The following DNAH6 variants were observed in gnomAD, a reference collection of about 807,000 sequenced individuals.
DNAH6 encodes dynein axonemal heavy chain 6, also known as axonemal beta dynein heavy chain 6.
Under a neutral mutation model 491.4 loss-of-function variants are expected in DNAH6, and 340 were observed. That is an observed-to-expected ratio of 0.69 (90% CI 0.63 to 0.76). The LOEUF (loss-of-function observed/expected upper bound fraction) is 0.76, where lower values mean the gene tolerates loss of function less well. Ranked by LOEUF, DNAH6 falls within the 30% of genes least tolerant of loss-of-function variation. The pLI is 0.00. For missense variants in DNAH6, 4,443 were observed against 4,972.2 expected, an observed-to-expected ratio of 0.89 and a Z score of 3.20; for synonymous variants, 1,603 against 1,686.1, an observed-to-expected ratio of 0.95 and a Z score of 1.21.
At chr2:84,478,639 T>C in the DNAH6 span, among the ~76,000 whole-genome samples, 1 of 152,120 alleles carries the variant, frequency 6.6e-6, no homozygotes, top group East Asian at 1.9e-4. Flanking sequence ...CAAAGTTGAA[T>C]ACCCTGTGTG....
At chr2:84,601,889 G>A (rs2365445) in intron 18 of DNAH6, among the ~76,000 whole-genome samples, 124,602 of 151,754 alleles carry the variant, frequency 0.82, 53,261 homozygotes, top group East Asian at 0.99. Context: ...ATTTTTAGAA[G>A]CAATTTTTTA....
intron 63 of DNAH6, among the ~76,000 whole-genome samples, chr2:84,756,674 A>C (rs1334517696): frequency 6.6e-6 from 1 of 152,206 alleles, no homozygotes; most frequent in Non-Finnish European, 1.5e-5. Context: ...ACACAGAACC[A>C]TGCCCTTTCT....
At chr2:84,535,140 A>C (rs1677563752) in intron 4 of DNAH6, among the ~76,000 whole-genome samples, 1 of 151,996 alleles carries the variant, frequency 6.6e-6, no homozygotes, top group South Asian at 2.1e-4. Context: ...GTTTTTAAAA[A>C]ATTTTAAATC....
chr2:84,640,399 A>C (rs779905789), intron 31 of DNAH6, 31 bp from the exon 32 acceptor site: 7 of 1,316,272 alleles, frequency 5.3e-6, no homozygotes, highest in Non-Finnish European at 7.5e-6. Context: ...AATACAATAT[A>C]ATAAGCATTG....
chr2:84,688,610 C>A lies in DNAH6; in HGVS notation c.7292+17C>A. 1.3e-6 allele frequency: 2 copies of A among 1,505,236 alleles called. No homozygotes were observed. Among genetic ancestry groups the A allele is most frequent in the Middle Eastern group, 1.7e-4 (1 of 5,860 alleles). 93.2% of individuals were successfully genotyped at this position (1,505,236 alleles called of 1,614,324 possible). A position where few individuals can be genotyped will look rare whatever the true frequency, so the allele number is the denominator to read the frequency against. ...TGTTTCAAGGTATAGTGCTATAAGG[C>A]GCCCAATAATGCATTGATTTAATAT... On this transcript the variant is annotated intron_variant, in intron 45 of 76. Transcript: ENST00000389394.
chr2:84,670,930 C>G (rs1328462579), intron 39 of DNAH6, among the ~76,000 whole-genome samples: 5 of 152,134 alleles, frequency 3.3e-5, no homozygotes, highest in South Asian at 2.1e-4. Context: ...ACTAGCATAA[C>G]TTTCTGGTCA....
At chr2:84,587,619 C>T (rs1683697788) in intron 15 of DNAH6, among the ~76,000 whole-genome samples, 1 of 152,192 alleles carries the variant, frequency 6.6e-6, no homozygotes, top group Non-Finnish European at 1.5e-5. Context: ...GGGAGAAAAC[C>T]TAAATGTGAC....
chr2:84,771,629 T>G (rs1338627655), intron 64 of DNAH6, among the ~76,000 whole-genome samples: 1 of 152,198 alleles, frequency 6.6e-6, no homozygotes, highest in Non-Finnish European at 1.5e-5. Flanking sequence ...TAATGGCTGA[T>G]TCTCATCAGA....
chr2:84,484,371 A>G, the DNAH6 span, among the ~76,000 whole-genome samples: 1 of 152,190 alleles, frequency 6.6e-6, no homozygotes, highest in Admixed American at 6.5e-5. Context: ...AAGTGTGTCT[A>G]TTTCATCTTG....
chr2:84,526,051 T>C (rs1306005204), intron 3 of DNAH6, among the ~76,000 whole-genome samples: 3 of 152,246 alleles, frequency 2.0e-5, no homozygotes, highest in East Asian at 3.9e-4. Flanking sequence ...AAAATGGTAA[T>C]CTTTGAAGAC....
intron 61 of DNAH6, among the ~76,000 whole-genome samples, chr2:84,731,006 CTG>C (rs1303720169): frequency 2.6e-5 from 4 of 152,170 alleles, no homozygotes; most frequent in African/African-American, 9.7e-5. Context: ...CCCAGCAAAA[CTG>C]TTGAAAATTA....
At chr2:84,787,707 A>C (rs947369976) in intron 68 of DNAH6, among the ~76,000 whole-genome samples, 1 of 152,192 alleles carries the variant, frequency 6.6e-6, no homozygotes, top group Non-Finnish European at 1.5e-5. Flanking sequence ...TTGAACCCAA[A>C]CAGTGTAGCC....
intron 32 of DNAH6, among the ~76,000 whole-genome samples, chr2:84,641,377 T>C (rs180874383): frequency 3.2e-4 from 49 of 152,224 alleles, no homozygotes; most frequent in Admixed American, 7.9e-4. Context: ...AGGATGGCCA[T>C]TTAAGGACTA....
chr2:84,761,233 A>G (rs930301637), intron 63 of DNAH6, among the ~76,000 whole-genome samples: 1 of 152,208 alleles, frequency 6.6e-6, no homozygotes, highest in African/African-American at 2.4e-5. Context: ...AAAGGCAAAT[A>G]TCACATGTTC....
At chr2:84,470,275 C>T in the DNAH6 span, among the ~76,000 whole-genome samples, 22 of 152,128 alleles carry the variant, frequency 1.4e-4, no homozygotes, top group African/African-American at 5.1e-4. Flanking sequence ...CAATCCAGAC[C>T]CCAAGAGAGG....
intron 45 of DNAH6, among the ~76,000 whole-genome samples, chr2:84,690,571 G>T (rs1334941818): frequency 2.0e-5 from 3 of 152,210 alleles, no homozygotes; most frequent in Non-Finnish European, 4.4e-5. Context: ...TCTTACTTTT[G>T]TGAAAGAGAA....
Position 84,752,345 on chromosome 2 carries a change from A to G in DNAH6, c.10512+7096A>G, listed in dbSNP as rs1459808717. ...TGGCACAACTACTTGCTAAGTAAGA[A>G]AGATCTCTATATCATACAGATTAAG... On this transcript the variant is annotated intron_variant, in intron 63 of 76. Transcript: ENST00000389394. Among the ~76,000 whole-genome samples the G allele has an allele frequency of 7.2e-5, 11 of 152,332 alleles. No individual in the cohort carries two copies. In the East Asian group the frequency reaches 1.9e-3, roughly 27 times the overall value.
chr2:84,472,349 G>A, the DNAH6 span, among the ~76,000 whole-genome samples: 1 of 151,738 alleles, frequency 6.6e-6, no homozygotes, highest in Admixed American at 6.6e-5. Flanking sequence ...CACTATCCTG[G>A]CCATTATCAG....
At chr2:84,515,338 G>A (rs2104387651), upstream of DNAH6, among the ~76,000 whole-genome samples, 1 of 152,270 alleles carries the variant, frequency 6.6e-6, no homozygotes, top group South Asian at 2.1e-4. Flanking sequence ...CTGCATTCTA[G>A]TTTTGTCTGT....
Sources: gnomAD v4.1 joint callset for allele counts (sites outside exome capture counted in the v4.1 genomes callset) on GRCh38, gnomAD v4.1.1 for gene constraint, MANE v1.5 for transcripts, NCBI Gene and HGNC (gene_info 2026-07-23, HGNC 2026-07-21) for gene names.